OSBPL10: variants seen among roughly 807,000 people sequenced by gnomAD.
The protein encoded by OSBPL10 is oxysterol-binding protein-related protein 10.
In OSBPL10, 49 loss-of-function variants were observed where a neutral mutation model predicts 81.7. That is an observed-to-expected ratio of 0.60 (90% CI 0.48 to 0.76). The LOEUF is 0.76. Ranked by LOEUF, OSBPL10 falls within the 30% of genes least tolerant of loss-of-function variation. The pLI, the probability that OSBPL10 is intolerant of heterozygous loss-of-function variation, is 0.00. For missense variants in OSBPL10, 923 were observed against 987.8 expected (o/e 0.93, Z 0.88); for synonymous variants, 419 against 383.6 (o/e 1.09, Z -1.08).
At chr3:32,055,597 C>T (rs555074506) in intron 1 of OSBPL10, among the ~76,000 whole-genome samples, 30 of 152,240 alleles carry the variant, frequency 2.0e-4, no homozygotes, top group Non-Finnish European at 3.2e-4. Flanking sequence ...GTATTCTTAT[C>T]AATATAGTTA....
At chr3:31,664,776 T>C (rs913201197) in intron 10 of OSBPL10, among the ~76,000 whole-genome samples, 6 of 152,130 alleles carry the variant, frequency 3.9e-5, no homozygotes, top group Non-Finnish European at 7.4e-5. Flanking sequence ...GGCTGATGCA[T>C]GTGTGATGTG....
chr3:32,022,619 CTA>C (rs1468758382), intron 2 of OSBPL10, among the ~76,000 whole-genome samples: 1 of 151,982 alleles, frequency 6.6e-6, no homozygotes, highest in Non-Finnish European at 1.5e-5. Flanking sequence ...AACCCCATCT[CTA>C]CAAAAATACA....
chr3:31,935,711 A>T (rs1468839950), intron 1 of OSBPL10, among the ~76,000 whole-genome samples: 2 of 151,904 alleles, frequency 1.3e-5, no homozygotes, highest in African/African-American at 4.8e-5. Context: ...TTTAGTAGAG[A>T]CGGGGTTTCA....
intron 2 of OSBPL10, among the ~76,000 whole-genome samples, chr3:31,987,523 G>A (rs1159040350): frequency 6.6e-6 from 1 of 152,228 alleles, no homozygotes; most frequent in Non-Finnish European, 1.5e-5. Flanking sequence ...CCCCCGGAAA[G>A]TCTGAACCAA....
chr3:32,049,852 G>T (rs186329351), intron 1 of OSBPL10, among the ~76,000 whole-genome samples: 1 of 152,298 alleles, frequency 6.6e-6, no homozygotes, highest in East Asian at 1.9e-4. Context: ...TTCAGTGTTA[G>T]TGCAATGGGT....
At chr3:31,972,176 G>T (rs1172996384) in intron 1 of OSBPL10, among the ~76,000 whole-genome samples, 2 of 152,214 alleles carry the variant, frequency 1.3e-5, no homozygotes, top group African/African-American at 2.4e-5. Context: ...ATCACCTGAG[G>T]TCAGGAGATC....
At chr3:31,865,028 G>A (rs761331564) in intron 3 of OSBPL10, among the ~76,000 whole-genome samples, 26 of 151,962 alleles carry the variant, frequency 1.7e-4, no homozygotes, top group Non-Finnish European at 1.9e-4. Context: ...ATTTAATGCC[G>A]AGGTCCTAAA....
chr3:31,851,342 T>C (rs559779493), intron 3 of OSBPL10, among the ~76,000 whole-genome samples: 181 of 152,258 alleles, frequency 1.2e-3, no homozygotes, highest in Non-Finnish European at 2.1e-3. Flanking sequence ...GAAGAGTAAA[T>C]GCTCCCCTCC....
intron 1 of OSBPL10, among the ~76,000 whole-genome samples, chr3:31,915,938 T>C (rs1364913130): frequency 1.3e-5 from 2 of 151,082 alleles, no homozygotes; most frequent in African/African-American, 4.9e-5. Flanking sequence ...TACTAAAAAA[T>C]ATAAAAAATT....
intron 5 of OSBPL10, among the ~76,000 whole-genome samples, chr3:31,738,937 C>T (rs1337206901): frequency 6.6e-6 from 1 of 151,824 alleles, no homozygotes; most frequent in Non-Finnish European, 1.5e-5. Flanking sequence ...TGGTAGTAAG[C>T]AATGAACCCA....
intron 4 of OSBPL10, among the ~76,000 whole-genome samples, chr3:31,814,441 T>C (rs1486883892): frequency 1.3e-5 from 2 of 152,202 alleles, no homozygotes; most frequent in East Asian, 3.9e-4. Context: ...TAGTTAAGAT[T>C]TGGTCAGAGA....
chr3:31,719,809 T>C (rs1293254538), intron 6 of OSBPL10, among the ~76,000 whole-genome samples: 3 of 151,996 alleles, frequency 2.0e-5, no homozygotes, highest in Admixed American at 6.6e-5. Context: ...ACAACCTAAA[T>C]GCCACTCCTA....
chr3:32,065,957 AAG>A (rs1391066543), intron 1 of OSBPL10, among the ~76,000 whole-genome samples: 2 of 46,914 alleles, frequency 4.3e-5, no homozygotes, highest in African/African-American at 1.0e-4. Flanking sequence ...GAAAGAAAGA[AAG>A]AAAGAAAGAA....
At chr3:31,695,795 T>G (rs574182426) in intron 7 of OSBPL10, among the ~76,000 whole-genome samples, 1 of 152,296 alleles carries the variant, frequency 6.6e-6, no homozygotes, top group Non-Finnish European at 1.5e-5. Flanking sequence ...AAACCTCTAA[T>G]AACCCTTTGC....
At chr3:32,053,034 T>C (rs1559555607) in intron 1 of OSBPL10, among the ~76,000 whole-genome samples, 1 of 152,182 alleles carries the variant, frequency 6.6e-6, no homozygotes, top group South Asian at 2.1e-4. Flanking sequence ...CCTGGGGACA[T>C]GTGGAGTTAC....
chr3:31,963,316 T>C (rs1698222384), intron 1 of OSBPL10, among the ~76,000 whole-genome samples: 1 of 152,180 alleles, frequency 6.6e-6, no homozygotes, highest in Admixed American at 6.5e-5. Flanking sequence ...GAATGAGTTG[T>C]AGACATCTCC....
intron 1 of OSBPL10, among the ~76,000 whole-genome samples, chr3:32,067,775 A>G (rs11716913): frequency 0.81 from 123,525 of 151,746 alleles, 51,687 homozygotes; most frequent in East Asian, 1. Context: ...TAACTCCACC[A>G]CCTATCCTGA....
chr3:31,738,684 A>T (rs1309663707), intron 5 of OSBPL10, among the ~76,000 whole-genome samples: 6 of 152,194 alleles, frequency 3.9e-5, no homozygotes, highest in Admixed American at 3.9e-4. Context: ...ACAGATGAAG[A>T]AACAAAGGCA....
At chr3:31,837,391 CAG>C (rs1422262706) in intron 3 of OSBPL10, among the ~76,000 whole-genome samples, 11 of 121,902 alleles carry the variant, frequency 9.0e-5, no homozygotes, top group Non-Finnish European at 1.9e-4. Flanking sequence ...TAACATAACA[CAG>C]AGACCTTTAA....
Sources: gnomAD v4.1 joint callset for allele counts (sites outside exome capture counted in the v4.1 genomes callset) on GRCh38, gnomAD v4.1.1 for gene constraint, MANE v1.5 for transcripts, NCBI Gene and HGNC (gene_info 2026-07-23, HGNC 2026-07-21) for gene names.